RGS7: variants seen among roughly 807,000 people sequenced by gnomAD.
RGS7 encodes regulator of G protein signaling 7, also known as regulator of G-protein signaling 7.
A neutral mutation model predicts 81.1 loss-of-function variants in RGS7; 27 were observed. The observed-to-expected ratio is 0.33, with a 90% CI of 0.25 to 0.46. The LOEUF (loss-of-function observed/expected upper bound fraction) is 0.46, where lower values mean the gene tolerates loss of function less well. Among genes scored for constraint, RGS7 ranks in the 20% least tolerant of loss-of-function variants. The probability of loss-of-function intolerance (pLI) is 1.00; values close to 1 mark genes in which losing one functional copy is unlikely to be tolerated. For synonymous variants in RGS7, 208 were observed against 207.7 expected, an observed-to-expected ratio of 1.00 and a Z score of -0.01; for missense variants, 396 against 607.4, an observed-to-expected ratio of 0.65 and a Z score of 3.66.
At chr1:241,181,278 C>T (rs1409664548) in intron 2 of RGS7, among the ~76,000 whole-genome samples, 3 of 152,084 alleles carry the variant, frequency 2.0e-5, no homozygotes, top group Admixed American at 6.5e-5. Flanking sequence ...GAGTATGTTG[C>T]TAATGGGGGA....
chr1:240,904,549 G>A (rs1251205610), intron 6 of RGS7, among the ~76,000 whole-genome samples: 1 of 152,102 alleles, frequency 6.6e-6, no homozygotes, highest in Non-Finnish European at 1.5e-5. Flanking sequence ...TCCTTCCTCT[G>A]TCTCTCTCAA....
At chr1:240,807,658 A>G (rs1228692088) in intron 14 of RGS7, among the ~76,000 whole-genome samples, 1 of 152,200 alleles carries the variant, frequency 6.6e-6, no homozygotes, top group Admixed American at 6.5e-5. Context: ...CAAACAGGAA[A>G]CTACCACCAT....
At chr1:241,259,407 C>A (rs1020994162) in intron 2 of RGS7, among the ~76,000 whole-genome samples, 1 of 151,730 alleles carries the variant, frequency 6.6e-6, no homozygotes, top group Non-Finnish European at 1.5e-5. Context: ...GTAATCCCAG[C>A]ACTTTGGGAG....
At chr1:241,098,547 A>G (rs1188752770) in intron 3 of RGS7, 119 bp downstream of exon 3, 2 of 734,324 alleles carry the variant, frequency 2.7e-6, no homozygotes, top group Non-Finnish European at 4.8e-6. Flanking sequence ...GGCATTTTAT[A>G]AGTAGTTACT....
chr1:240,861,601 T>C (rs558283182), intron 9 of RGS7, among the ~76,000 whole-genome samples: 14 of 152,194 alleles, frequency 9.2e-5, no homozygotes, highest in Non-Finnish European at 1.6e-4. Flanking sequence ...ATTTTCATAG[T>C]AGTCATACAG....
chr1:241,097,933 G>A (rs1216904061), intron 3 of RGS7, among the ~76,000 whole-genome samples: 1 of 152,102 alleles, frequency 6.6e-6, no homozygotes, highest in Non-Finnish European at 1.5e-5. Context: ...TGCATGCCTA[G>A]TTATTCACTA....
At chr1:241,200,749 C>T (rs1388303078) in intron 2 of RGS7, among the ~76,000 whole-genome samples, 1 of 152,158 alleles carries the variant, frequency 6.6e-6, no homozygotes, top group Non-Finnish European at 1.5e-5. Context: ...CGGATTATTG[C>T]TTAGTTTAGT....
At chr1:241,148,051 CTTTTTTT>C (rs58632066) in intron 2 of RGS7, among the ~76,000 whole-genome samples, 4 of 108,494 alleles carry the variant, frequency 3.7e-5, no homozygotes, top group Admixed American at 1.1e-4. Flanking sequence ...TTTTCTTTTT[CTTTTTTT>C]TTTTTTTTTT....
chr1:240,903,005 A>C (rs1442143927), intron 6 of RGS7, among the ~76,000 whole-genome samples: 1 of 152,230 alleles, frequency 6.6e-6, no homozygotes, highest in Non-Finnish European at 1.5e-5. Context: ...AGTTTTCTAC[A>C]GGGAATAAAA....
At chr1:241,264,479 AGAGTGAGACCCTGTCT>A (rs2077486827) in intron 2 of RGS7, among the ~76,000 whole-genome samples, 1 of 152,224 alleles carries the variant, frequency 6.6e-6, no homozygotes, top group Non-Finnish European at 1.5e-5. Context: ...CCTGGGCAAC[AGAGTGAGACCCTGTCT>A]CAAAGAAAAA....
chr1:240,801,217 C>A (rs1258147861), intron 17 of RGS7, among the ~76,000 whole-genome samples: 1 of 152,110 alleles, frequency 6.6e-6, no homozygotes, highest in African/African-American at 2.4e-5. Flanking sequence ...GTAATATAAA[C>A]TTCTTTCCAA....
At chr1:240,849,511 C>T (rs1252381044) in intron 9 of RGS7, among the ~76,000 whole-genome samples, 2 of 152,206 alleles carry the variant, frequency 1.3e-5, no homozygotes, top group African/African-American at 4.8e-5. Flanking sequence ...AGATATTTGT[C>T]TCCTCCAAAT....
chr1:241,016,386 C>T (rs774620348), intron 3 of RGS7, among the ~76,000 whole-genome samples: 1 of 151,974 alleles, frequency 6.6e-6, no homozygotes, highest in Non-Finnish European at 1.5e-5. Context: ...GGTGTGGCGG[C>T]ATGCACCTGT....
At chr1:240,865,339 G>T in intron 9 of RGS7, among the ~76,000 whole-genome samples, 1 of 152,266 alleles carries the variant, frequency 6.6e-6, no homozygotes, top group African/African-American at 2.4e-5. Context: ...CTTAGATATG[G>T]ACATCTTCTG....
At chr1:240,857,781 T>C (rs1235310672) in intron 9 of RGS7, among the ~76,000 whole-genome samples, 1 of 152,188 alleles carries the variant, frequency 6.6e-6, no homozygotes, top group East Asian at 1.9e-4. Context: ...TCATCTGAAT[T>C]GTAGTTCCCG....
chr1:240,781,045 AC>A (rs1289764089), intron 18 of RGS7, among the ~76,000 whole-genome samples: 20 of 150,682 alleles, frequency 1.3e-4, no homozygotes, highest in Non-Finnish European at 2.4e-4. Flanking sequence ...AAAAAAAAAA[AC>A]ATGGTTCTCT....
rs553592843 is a variant in RGS7, at chr1:241,085,883, CAT to C, written c.175+12781_175+12782del. On this transcript the variant is annotated intron_variant, in intron 3 of 18. Coordinates refer to ENST00000440928, the MANE Select transcript of RGS7 (RefSeq NM_001364886.1). ...ATCCACTGAATGCTAGATCTCAAGACATAGCACAATGGGATTCCTGGTTACTT... is the reference window on the plus strand; with the variant it reads ...ATCCACTGAATGCTAGATCTCAAGACAGCACAATGGGATTCCTGGTTACTT... 6.4e-4 allele frequency among the ~76,000 whole-genome samples: 98 copies of C among 152,316 alleles called. No individual in the cohort carries two copies. In the East Asian group the frequency reaches 0.015, roughly 23 times the overall value.
intron 2 of RGS7, among the ~76,000 whole-genome samples, chr1:241,345,882 G>A (rs2082865036): frequency 6.6e-6 from 1 of 150,644 alleles, no homozygotes; most frequent in Admixed American, 6.6e-5. Context: ...CAGGCATGGT[G>A]GTGCGCGCCT....
At chr1:240,887,888 T>G (rs1485936826) in intron 6 of RGS7, among the ~76,000 whole-genome samples, 1 of 152,220 alleles carries the variant, frequency 6.6e-6, no homozygotes, top group Non-Finnish European at 1.5e-5. Context: ...TACCCAAACG[T>G]TGCATACAAT....
Sources: gnomAD v4.1 joint callset for allele counts (sites outside exome capture counted in the v4.1 genomes callset) on GRCh38, gnomAD v4.1.1 for gene constraint, MANE v1.5 for transcripts, NCBI Gene and HGNC (gene_info 2026-07-23, HGNC 2026-07-21) for gene names.